Variants in MAFG observed in about 807,000 individuals in gnomAD.
The protein encoded by MAFG is transcription factor MafG.
MAFG carries 3 observed loss-of-function variants against 12.2 expected under a neutral mutation model. That is an observed-to-expected ratio of 0.25 (90% CI 0.11 to 0.64). The LOEUF (loss-of-function observed/expected upper bound fraction) is 0.64, where lower values mean the gene tolerates loss of function less well. Among genes scored for constraint, MAFG ranks in the 30% least tolerant of loss-of-function variants. The pLI, the probability that MAFG is intolerant of heterozygous loss-of-function variation, is 0.85. For missense variants in MAFG, 153 were observed against 235.5 expected (o/e 0.65, Z 2.29); for synonymous variants, 126 against 109.1 (o/e 1.15, Z -0.96).
chr17:81,926,139 G>A lies in MAFG; in HGVS notation c.-30+1389C>T, dbSNP rs1024326815. On this transcript the variant is annotated intron_variant, in intron 1 of 2. Transcript: ENST00000357736. The surrounding 1 kb of genome is among the most constrained non-coding windows in gnomAD (Gnocchi z 4.6). ...CCTTCGTGAATCTCCACATACCCAA[G>A]GAAAGGTGGCTCTGGCCACATCACT... 3.7e-4 allele frequency among the ~76,000 whole-genome samples: 57 copies of A among 152,110 alleles called. No homozygotes were observed. Among genetic ancestry groups the A allele is most frequent in the African/African-American group, 1.3e-3 (53 of 41,400 alleles).
Position 81,922,450 on chromosome 17 carries a change from G to A in MAFG, c.*155C>T, listed in dbSNP as rs1159484633. The A allele has an allele frequency of 1.3e-5, 7 of 556,578 alleles. No individual in the cohort carries two copies. Among genetic ancestry groups the A allele is most frequent in the African/African-American group, 4.0e-5 (2 of 50,006 alleles). 34.5% of individuals were successfully genotyped at this position (556,578 alleles called of 1,614,324 possible). On this transcript the variant is annotated 3_prime_UTR_variant, in exon 3 of 3. Transcript: ENST00000357736. ...TGACGAGATCAAAGGGGCTCAGCCC[G>A]GCGCCCCTGGGGTACAGGTTGTGCT...
chr17:81,923,351 A>T, intron 1 of MAFG, 137 bp from the exon 2 acceptor site: 2 of 564,744 alleles, frequency 3.5e-6, no homozygotes, highest in Middle Eastern at 4.7e-4. Context: ...AGCCCCCAAT[A>T]CCTGATAGGA....
At chr17:81,925,322 G>A (rs1413830384) in intron 1 of MAFG, among the ~76,000 whole-genome samples, 1 of 152,234 alleles carries the variant, frequency 6.6e-6, no homozygotes, top group African/African-American at 2.4e-5. Context: ...AGGGAGATTT[G>A]GGAGCTCCGT....
At position 81,922,771 on chromosome 17, in the gene MAFG, C is replaced by T. The variant is rs750007789; in HGVS notation, c.323G>A (p.Arg108His). Residue 108 changes from arginine (R) to histidine (H), a missense_variant, in exon 3 of 3, where the codon CGC becomes CAC. This residue lies in a region of MAFG where 81 missense variants were observed against 94.7 expected (regional missense o/e 0.86). Coordinates refer to ENST00000357736, the MANE Select transcript of MAFG (RefSeq NM_002359.4). ...GGTCTGCAGCGCCTCGTACTTGGAG[C>T]GCAGCGCGTCGAGCTCCAGCTTCAT... ...ASMKLELDAL[R>H]SKYEALQTFA... is the part of the protein sequence containing the mutation. 3.8e-6 allele frequency: 6 copies of T among 1,595,534 alleles called. No homozygotes were observed. The highest frequency in any genetic ancestry group is 1.3e-5 in the African/African-American group (1 of 74,702).
At position 81,922,742 on chromosome 17, in the gene MAFG, C is replaced by T. The variant is rs747239424; in HGVS notation, c.352G>A (p.Ala118Thr). Reference protein sequence around the residue: ...RSKYEALQTFARTVARSPVAP... With the variant: ...RSKYEALQTFTRTVARSPVAP... ...ACGGGGCTGCGGGCCACCGTCCGGG[C>T]GAAGGTCTGCAGCGCCTCGTACTTG... Residue 118 changes from alanine to threonine, a missense_variant, in exon 3 of 3, where the codon GCC (alanine) becomes ACC (threonine). Coordinates refer to ENST00000357736, the MANE Select transcript of MAFG (RefSeq NM_002359.4). 4 of 1,581,582 alleles carry T rather than the reference C, an allele frequency of 2.5e-6. No individual in the cohort carries two copies. Among genetic ancestry groups the T allele is most frequent in the African/African-American group, 1.3e-5 (1 of 74,532 alleles).
At chr17:81,927,995 A>C (rs111999329), upstream of MAFG, 1,530 of 152,324 alleles carry the variant, frequency 0.01, 12 homozygotes, top group Non-Finnish European at 0.017. Context: ...CCCGCCGTCC[A>C]GGGCCCCTGT....
At chr17:81,923,260 G>GCCC (rs1418757108) in intron 1 of MAFG, 46 bp from the exon 2 acceptor site, 46 of 431,456 alleles carry the variant, frequency 1.1e-4, no homozygotes, top group South Asian at 4.1e-4. Flanking sequence ...CACCCTCGCC[G>GCCC]CACCCCCCCC....
At chr17:81,927,118 C>T (rs1347198389) in intron 1 of MAFG, among the ~76,000 whole-genome samples, 1 of 151,678 alleles carries the variant, frequency 6.6e-6, no homozygotes, top group African/African-American at 2.4e-5. Flanking sequence ...GACGCGGCCA[C>T]CGGATGAATC....
Position 81,922,304 on chromosome 17 carries a change from C to G in MAFG, c.*301G>C. The stretch of plus-strand genomic sequence containing the variant: ...TCTCTCTCCCGCAACTCTCTCTAGT[C>G]CGTTCCCACAGCACCAACTCTGGAC... On this transcript the variant is annotated 3_prime_UTR_variant, in exon 3 of 3. Transcript: ENST00000357736. 4.2e-6 allele frequency: 1 copy of G among 235,886 alleles called. No individual in the cohort carries two copies. Among genetic ancestry groups the G allele is most frequent in the Non-Finnish European group, 8.2e-6 (1 of 122,584 alleles). The allele number at this position is 235,886 out of a possible 1,614,324, so 14.6% of individuals were successfully genotyped here.
At position 81,922,562 on chromosome 17, in the gene MAFG, G is replaced by A; in HGVS notation, c.*43C>T. ...GACAGGGCAGCCAAATTCGCCATGT[G>A]CCTAGTGGCCCCGCAAAGACCCGCC... On this transcript the variant is annotated 3_prime_UTR_variant, in exon 3 of 3. Transcript: ENST00000357736. The A allele has an allele frequency of 7.2e-7, 1 of 1,385,972 alleles. No individual in the cohort carries two copies. The highest frequency in any genetic ancestry group is 9.5e-7 in the Non-Finnish European group (1 of 1,057,828). 85.9% of individuals were successfully genotyped at this position (1,385,972 alleles called of 1,614,324 possible).
intron 1 of MAFG, among the ~76,000 whole-genome samples, chr17:81,927,251 C>T (rs956448169): frequency 1.3e-5 from 2 of 151,728 alleles, no homozygotes; most frequent in African/African-American, 4.8e-5. Context: ...CGAGTCCGCT[C>T]CGCACTCGCC....
chr17:81,923,278 C>T, intron 1 of MAFG, 64 bp from the exon 2 acceptor site: 1 of 958,874 alleles, frequency 1.0e-6, no homozygotes, highest in Non-Finnish European at 1.4e-6. Context: ...CCCCCCCCGC[C>T]CCCGGCCCAG....
rs1383644157 is a variant in MAFG, at chr17:81,922,888, C to T, written c.206G>A (p.Arg69His). 1 of 1,611,034 alleles carries T rather than the reference C, an allele frequency of 6.2e-7. No homozygotes were observed. The highest frequency in any genetic ancestry group is 8.5e-7 in the Non-Finnish European group (1 of 1,179,240). ...LKNRGYAASC[R>H]VKRVTQKEEL... ...CTCCTTCTGCGTCACCCGCTTCACG[C>T]GGCAGCTGGCAGCGTAGCCGCGGTT... The change falls in exon 3 of 3, where the codon CGC becomes CAC. Residue 69 changes from arginine (R) to histidine (H), a missense_variant. Arg to His is a conservative substitution (Grantham distance 29, BLOSUM62 0). Around this residue, in one of 3 missense-constraint regions of MAFG, gnomAD observed 29 missense variants for 75.3 expected, o/e 0.39. Coordinates refer to ENST00000357736, the MANE Select transcript of MAFG (RefSeq NM_002359.4).
chr17:81,923,108 C>A, intron 2 of MAFG, 42 bp downstream of exon 2: 1 of 1,611,310 alleles, frequency 6.2e-7, no homozygotes, highest in Non-Finnish European at 8.5e-7. Flanking sequence ...CCCACTGTGC[C>A]CCCCGACCCC....
chr17:81,920,756 G>C lies in MAFG; in HGVS notation c.*1849C>G, dbSNP rs549362219. On this transcript the variant is annotated 3_prime_UTR_variant, in exon 3 of 3. Transcript: ENST00000357736. ...CCAAGAGCTGCCAGCGTGGACCAGC[G>C]GAGAAGAGGGACAAGACCCGGCCCT... 1 of 152,630 alleles carries C rather than the reference G, an allele frequency of 6.6e-6. No individual in the cohort carries two copies. The highest frequency in any genetic ancestry group is 1.5e-5 in the Non-Finnish European group (1 of 68,324). 9.5% of individuals were successfully genotyped at this position (152,630 alleles called of 1,614,324 possible). A position where few individuals can be genotyped will look rare whatever the true frequency, so the allele number is the denominator to read the frequency against.
At chr17:81,927,217 C>T (rs1390841777) in intron 1 of MAFG, among the ~76,000 whole-genome samples, 3 of 151,776 alleles carry the variant, frequency 2.0e-5, no homozygotes, top group Non-Finnish European at 4.4e-5. Context: ...TCCAGTGCCC[C>T]TCCCTCCAGG....
Position 81,918,439 on chromosome 17 carries a change from A to T in MAFG, c.*4166T>A, listed in dbSNP as rs1339929524. 1 of 197,656 alleles carries T rather than the reference A, an allele frequency of 5.1e-6. No individual in the cohort carries two copies. Among genetic ancestry groups the T allele is most frequent in the Non-Finnish European group, 1.0e-5 (1 of 96,924 alleles). 12.2% of individuals were successfully genotyped at this position (197,656 alleles called of 1,614,324 possible). ...AGGGCAGGGGTAGGGCACCAAGGCC[A>T]CTGCCCTGCAAGAGGTCAGGCCCCT... On this transcript the variant is annotated 3_prime_UTR_variant, in exon 3 of 3. Transcript: ENST00000357736.
intron 1 of MAFG, 79 bp from the exon 2 acceptor site, chr17:81,923,293 C>G: frequency 1.1e-6 from 1 of 880,702 alleles, no homozygotes. Flanking sequence ...GCCCAGTTCA[C>G]AAGAGCCCTT....
chr17:81,923,277 CCCCCGG>C lies in MAFG; in HGVS notation c.-29-69_-29-64del. ...CCCTCGCCGCACCCCCCCCCCCCCG[CCCCCGG>C]CCCAGTTCACAAGAGCCCTTGCCGC... is the stretch of plus-strand genomic sequence containing the variant. On this transcript the variant is annotated intron_variant, in intron 1 of 2. Transcript: ENST00000357736. 74 of 915,996 alleles carry C rather than the reference CCCCCGG, an allele frequency of 8.1e-5. No homozygotes were observed. In the Middle Eastern group the frequency reaches 1.1e-3, roughly 14 times the overall value. 56.7% of individuals were successfully genotyped at this position (915,996 alleles called of 1,614,324 possible). A position where few individuals can be genotyped will look rare whatever the true frequency, so the allele number is the denominator to read the frequency against.
Sources: allele counts gnomAD v4.1 joint callset (sites outside exome capture counted in the v4.1 genomes callset), GRCh38; gene constraint gnomAD v4.1.1; regional missense constraint gnomAD v4.1.1; non-coding constraint Gnocchi (gnomAD v3.1); transcripts MANE v1.5; gene names NCBI Gene and HGNC (gene_info 2026-07-23, HGNC 2026-07-21).